TTLL1: variants seen among roughly 807,000 people sequenced by gnomAD.
The protein encoded by TTLL1 is polyglutamylase complex subunit TTLL1.
Under a neutral mutation model 47.8 loss-of-function variants are expected in TTLL1, and 33 were observed. The ratio of observed to expected loss-of-function variants is 0.69; its 90% CI spans 0.52 to 0.92. The LOEUF (loss-of-function observed/expected upper bound fraction) is 0.92. Ranked by LOEUF, TTLL1 falls within the 40% of genes least tolerant of loss-of-function variation. The probability of loss-of-function intolerance (pLI) is 0.00; values close to 1 mark genes in which losing one functional copy is unlikely to be tolerated. For missense variants in TTLL1, 488 were observed against 547.5 expected, an observed-to-expected ratio of 0.89 and a Z score of 1.08; for synonymous variants, 225 against 214.1, an observed-to-expected ratio of 1.05 and a Z score of -0.45.
At chr22:43,072,231 G>A (rs1928175083) in intron 3 of TTLL1, among the ~76,000 whole-genome samples, 1 of 147,180 alleles carries the variant, frequency 6.8e-6, no homozygotes, top group South Asian at 2.1e-4. Context: ...TCGGCTCACT[G>A]CAATCTCCGC....
At chr22:43,062,305 A>G (rs968056533) in intron 7 of TTLL1, among the ~76,000 whole-genome samples, 1 of 152,016 alleles carries the variant, frequency 6.6e-6, no homozygotes, top group South Asian at 2.1e-4. Flanking sequence ...ATTCTGGCCA[A>G]CATGGGGAAA....
intron 8 of TTLL1, among the ~76,000 whole-genome samples, chr22:43,058,292 C>A (rs1927159873): frequency 6.6e-6 from 1 of 152,188 alleles, no homozygotes; most frequent in South Asian, 2.1e-4. Context: ...ATGTTCATTT[C>A]TCTCTTTTCC....
intron 5 of TTLL1, among the ~76,000 whole-genome samples, chr22:43,068,130 A>AT (rs944542624): frequency 1.4e-4 from 18 of 126,688 alleles, no homozygotes; most frequent in African/African-American, 6.1e-4. Context: ...CCCCATCTCT[A>AT]TTTAAAAAAA....
intron 5 of TTLL1, among the ~76,000 whole-genome samples, chr22:43,066,576 G>A (rs1927750606): frequency 6.6e-6 from 1 of 151,862 alleles, no homozygotes; most frequent in Non-Finnish European, 1.5e-5. Flanking sequence ...AGAAAAATTA[G>A]CCAGGTGTGG....
chr22:43,047,006 C>T (rs566644905), intron 9 of TTLL1, among the ~76,000 whole-genome samples: 2 of 152,120 alleles, frequency 1.3e-5, no homozygotes, highest in Non-Finnish European at 2.9e-5. Context: ...CTAATACCGT[C>T]AGAGCACCTT....
intron 2 of TTLL1, among the ~76,000 whole-genome samples, chr22:43,077,084 G>T (rs1364140129): frequency 2.6e-5 from 4 of 151,950 alleles, no homozygotes; most frequent in Non-Finnish European, 5.9e-5. Flanking sequence ...CTGGGTGACA[G>T]AGTGAGACTC....
intron 5 of TTLL1, among the ~76,000 whole-genome samples, chr22:43,066,115 C>T (rs1381181717): frequency 7.4e-5 from 11 of 148,852 alleles, no homozygotes; most frequent in Admixed American, 4.0e-4. Flanking sequence ...GCTGAGATCG[C>T]ACCACTGCAG....
chr22:43,074,474 G>A (rs1437312808), intron 3 of TTLL1, among the ~76,000 whole-genome samples: 1 of 149,374 alleles, frequency 6.7e-6, no homozygotes, highest in Non-Finnish European at 1.5e-5. Flanking sequence ...AAAAATATAT[G>A]TATCAATTAG....
At chr22:43,057,604 G>T (rs1927104405) in intron 8 of TTLL1, among the ~76,000 whole-genome samples, 1 of 152,138 alleles carries the variant, frequency 6.6e-6, no homozygotes, top group African/African-American at 2.4e-5. Context: ...ACACTCCACG[G>T]TGATGTGGCA....
chr22:43,080,902 C>CTTTTTCTTTT (rs1928833866), intron 1 of TTLL1, among the ~76,000 whole-genome samples: 1 of 69,282 alleles, frequency 1.4e-5, no homozygotes, highest in African/African-American at 5.7e-5. Flanking sequence ...TGTTGCATGA[C>CTTTTTCTTTT]TTTTTTTTTT....
At chr22:43,081,425 C>T (rs1385869503) in intron 1 of TTLL1, among the ~76,000 whole-genome samples, 2 of 152,132 alleles carry the variant, frequency 1.3e-5, no homozygotes, top group African/African-American at 2.4e-5. Flanking sequence ...AGATGTGTTA[C>T]GGGTTAAGTT....
In TTLL1 at chr22:43,075,562, T is replaced by G. The variant is rs745940943; in HGVS notation, c.25A>C (p.Thr9Pro). ...ATCAGCACTGACTTCTCGATATCAG[T>G]GACCCATTTTACTTTCCCTGCCATA... MAGKVKWV[T>P]DIEKSVLINN... The change falls in exon 3 of 11, where the codon ACT becomes CCT. Residue 9 changes from threonine (T) to proline (P), a missense_variant. By Grantham distance (38) the Thr-to-Pro change is conservative (BLOSUM62 -1). Transcript: ENST00000266254. The G allele has an allele frequency of 1.9e-6, 3 of 1,614,206 alleles. No homozygotes were observed. The highest frequency in any genetic ancestry group is 2.5e-6 in the Non-Finnish European group (3 of 1,180,030).
chr22:43,058,013 G>A (rs763155131), intron 8 of TTLL1, among the ~76,000 whole-genome samples: 127 of 150,982 alleles, frequency 8.4e-4, no homozygotes, highest in Non-Finnish European at 1.3e-3. Context: ...GTACGATCTC[G>A]GCTCACTGCA....
At chr22:43,073,987 A>G (rs1057195769) in intron 3 of TTLL1, among the ~76,000 whole-genome samples, 5 of 151,470 alleles carry the variant, frequency 3.3e-5, no homozygotes, top group African/African-American at 1.2e-4. Flanking sequence ...ACACCCAGCT[A>G]GTTTTTTTGT....
intron 3 of TTLL1, 23 bp downstream of exon 3, chr22:43,075,451 C>A (rs1389878436): frequency 1.3e-6 from 2 of 1,594,208 alleles, no homozygotes; most frequent in Admixed American, 1.7e-5. Flanking sequence ...GAGAAACAAC[C>A]CAGCCCTGCT....
At position 43,039,839 on chromosome 22, in the gene TTLL1, A is replaced by G. The variant is rs754377277; in HGVS notation, c.1209T>C (p.Ser403=). The change falls in exon 11 of 11, where the codon TCT becomes TCC. Residue 403 remains serine, a synonymous_variant. Coordinates refer to ENST00000266254, the MANE Select transcript of TTLL1 (RefSeq NM_012263.5). ...TCGATCGGCCTGCTCTGGGCCCCAG[A>G]GACTGACCCTGACGGCTTCTCAGCT... The part of the protein sequence containing the change: ...DRELRSRQGQ[S]LGPRAGRSRD... The G allele has an allele frequency of 1.2e-6, 2 of 1,614,062 alleles. No individual in the cohort carries two copies. Among genetic ancestry groups the G allele is most frequent in the Non-Finnish European group, 1.7e-6 (2 of 1,179,998 alleles).
Position 43,051,851 on chromosome 22 carries a change from A to T in TTLL1, c.928T>A (p.Tyr310Asn). The part of the protein sequence containing the change: ...MNNDKHCFEC[Y>N]GYDIIIDDKL... ...TCGTCGATGATGATGTCGTAGCCAT[A>T]GCATTCAAAGCAGTGCTTGTCATTG... is the stretch of plus-strand genomic sequence containing the variant. Residue 310 changes from tyrosine to asparagine, a missense_variant, in exon 9 of 11, where the codon TAT becomes AAT. Tyr to Asn is a moderately radical substitution (Grantham distance 143, BLOSUM62 -2). Transcript: ENST00000266254. 6.2e-7 allele frequency: 1 copy of T among 1,614,086 alleles called. No individual in the cohort carries two copies. The highest frequency in any genetic ancestry group is 1.3e-5 in the African/African-American group (1 of 75,026).
intron 3 of TTLL1, among the ~76,000 whole-genome samples, chr22:43,071,370 C>G (rs1928108253): frequency 6.6e-6 from 1 of 152,124 alleles, no homozygotes; most frequent in South Asian, 2.1e-4. Context: ...CGCAGTGGCT[C>G]ACGTCTGTAA....
At chr22:43,053,922 G>C (rs1286991342) in intron 8 of TTLL1, among the ~76,000 whole-genome samples, 1 of 152,186 alleles carries the variant, frequency 6.6e-6, no homozygotes, top group Non-Finnish European at 1.5e-5. Flanking sequence ...GGGAGGGAGG[G>C]AGAGCAAAGG....
Sources: allele counts gnomAD v4.1 joint callset (sites outside exome capture counted in the v4.1 genomes callset), GRCh38; gene constraint gnomAD v4.1.1; transcripts MANE v1.5; gene names NCBI Gene and HGNC (gene_info 2026-07-23, HGNC 2026-07-21).